USP44: variants seen among roughly 807,000 people sequenced by gnomAD.
The protein encoded by USP44 is ubiquitin carboxyl-terminal hydrolase 44.
Under a neutral mutation model 69.0 loss-of-function variants are expected in USP44, and 61 were observed. The ratio of observed to expected loss-of-function variants is 0.88; its 90% CI spans 0.72 to 1.09. The LOEUF is 1.09. USP44 is among the 50% of genes least tolerant of loss of function. USP44 has a pLI of 0.00. For synonymous variants in USP44, 297 were observed against 295.4 expected (o/e 1.01, Z -0.06); for missense variants, 753 against 849.9 (o/e 0.89, Z 1.42).
Position 95,528,813 on chromosome 12 carries a change from A to T in USP44, c.1618T>A (p.Cys540Ser). Residue 540 changes from cysteine (C) to serine (S), a missense_variant, in exon 3 of 6, where the codon TGT becomes AGT. Cys to Ser is a moderately radical substitution (Grantham distance 112). Coordinates refer to ENST00000258499, the MANE Select transcript of USP44 (RefSeq NM_032147.5). ...LEGKIYVCDQ[C>S]NSKRRRFSSK... ...ACACAACGTCTTTACTCACAGTTACACTGGTCACATACGTAGATTTTTCCT... is the reference window on the plus strand; with the variant it reads ...ACACAACGTCTTTACTCACAGTTACTCTGGTCACATACGTAGATTTTTCCT... The T allele has an allele frequency of 1.9e-6, 3 of 1,613,736 alleles. No individual in the cohort carries two copies. The highest frequency in any genetic ancestry group is 2.5e-6 in the Non-Finnish European group (3 of 1,179,932).
At chr12:95,519,432 ATTTTTTTTTTTTTT>A (rs60940181) in intron 5 of USP44, among the ~76,000 whole-genome samples, 3 of 84,544 alleles carry the variant, frequency 3.5e-5, no homozygotes, top group South Asian at 3.8e-4. Flanking sequence ...CTCAATCTGT[ATTTTTTTTTTTTTT>A]TTTTTTTTTT....
rs188458080 is a variant in USP44, at chr12:95,518,101, C to G, written c.*53G>C. ...ATGAAGTTTAAAATGGTACATCAGT[C>G]TTTTAAAAAGTATATATATAAATCA... is the stretch of plus-strand genomic sequence containing the variant. On this transcript the variant is annotated 3_prime_UTR_variant, in exon 6 of 6. Transcript: ENST00000258499. 170 of 1,576,046 alleles carry G rather than the reference C, an allele frequency of 1.1e-4. No homozygotes were observed. In the East Asian group the frequency reaches 2.8e-3, roughly 26 times the overall value.
chr12:95,539,870 C>T (rs2077332128), intron 1 of USP44, among the ~76,000 whole-genome samples: 1 of 152,134 alleles, frequency 6.6e-6, no homozygotes, highest in Non-Finnish European at 1.5e-5. Context: ...TTTTAATCAA[C>T]CGTTTATATC....
intron 4 of USP44, 47 bp from the exon 5 acceptor site, chr12:95,521,249 A>G (rs768898136): frequency 6.4e-7 from 1 of 1,573,748 alleles, no homozygotes; most frequent in Admixed American, 1.7e-5. Context: ...AAGGGAAAAT[A>G]ACCACGTACT....
chr12:95,534,187 G>A lies in USP44; in HGVS notation c.70C>T (p.Pro24Ser). The change falls in exon 2 of 6, where the codon CCT (proline) becomes TCT (serine). Residue 24 changes from proline to serine, a missense_variant. Coordinates refer to ENST00000258499, the MANE Select transcript of USP44 (RefSeq NM_032147.5). ...CAGTCCACACAGTGCCATTTCTGAG[G>A]GTTGAGGCTGGAATGGTCTTGAGCA... is the stretch of plus-strand genomic sequence containing the variant. ...QLAQDHSSLN[P>S]QKWHCVDCNT... is the part of the protein sequence containing the mutation. The A allele has an allele frequency of 2.5e-6, 4 of 1,614,094 alleles. No individual in the cohort carries two copies. In the South Asian group the frequency reaches 4.4e-5, roughly 18 times the overall value.
chr12:95,523,689 C>CAAA (rs927669685), intron 4 of USP44, among the ~76,000 whole-genome samples: 1,075 of 89,134 alleles, frequency 0.012, 9 homozygotes, highest in Middle Eastern at 0.042. Context: ...CTGTCTCTAC[C>CAAA]AAAAAAAAAA....
rs1281199122 is a variant in USP44 at position 95,544,052 on chromosome 12, T to TC, written c.-71+7219_-71+7220insG. On this transcript the variant is annotated intron_variant, in intron 1 of 5. Coordinates refer to ENST00000258499, the MANE Select transcript of USP44 (RefSeq NM_032147.5). ...TCCACTGTAAATTTTAGTTATCTTT[T>TC]TTTTTTTTTTTTTTTTTTCTGAGAT... 3.0e-3 allele frequency among the ~76,000 whole-genome samples: 262 copies of TC among 86,086 alleles called. 2 individuals carry two copies. Among genetic ancestry groups the TC allele is most frequent in the African/African-American group, 0.012 (241 of 20,106 alleles). 56.5% of individuals were successfully genotyped at this position (86,086 alleles called of 152,430 possible).
chr12:95,531,698 A>C (rs1369091476), intron 2 of USP44, among the ~76,000 whole-genome samples: 4 of 152,236 alleles, frequency 2.6e-5, no homozygotes, highest in Admixed American at 2.0e-4. Flanking sequence ...ATACTTAAAC[A>C]ACATTTTAGG....
rs915462163 is a variant in USP44 at position 95,517,981 on chromosome 12, T to TA, written c.*172dup. On this transcript the variant is annotated 3_prime_UTR_variant, in exon 6 of 6. Transcript: ENST00000258499. ...AAACTCCAAATATGAAAAAAGTAGT[T>TA]ACCTTCAGTTGATATATACATTTAT... is the stretch of plus-strand genomic sequence containing the variant. The TA allele has an allele frequency of 3.5e-6, 2 of 563,906 alleles. No homozygotes were observed. The highest frequency in any genetic ancestry group is 3.8e-5 in the African/African-American group (2 of 53,312). 34.9% of individuals were successfully genotyped at this position (563,906 alleles called of 1,614,324 possible).
chr12:95,539,640 CATTTA>C (rs2077325582), intron 1 of USP44, among the ~76,000 whole-genome samples: 2 of 152,152 alleles, frequency 1.3e-5, no homozygotes, highest in African/African-American at 4.8e-5. Context: ...GACAATAAAA[CATTTA>C]ATTTGTTCAA....
rs143654571 is a variant in USP44, at chr12:95,521,073, C to T, written c.1863G>A (p.Leu621=). 39 of 1,614,194 alleles carry T rather than the reference C, an allele frequency of 2.4e-5. No homozygotes were observed. The African/African-American group carries it at 4.4e-4, about 18-fold the overall frequency. Residue 621 remains leucine, a synonymous_variant, in exon 5 of 6, where the codon TTG becomes TTA. Transcript: ENST00000258499. ...SLRPECFIYD[L]SAVVMHHGKG... ...TCCCATGGTGCATCACCACCGCGGACAAGTCATAGATAAAGCATTCTGGTC... is the reference window on the plus strand; with the variant it reads ...TCCCATGGTGCATCACCACCGCGGATAAGTCATAGATAAAGCATTCTGGTC...
At chr12:95,545,738 G>A (rs560987374) in intron 1 of USP44, among the ~76,000 whole-genome samples, 5 of 152,314 alleles carry the variant, frequency 3.3e-5, no homozygotes, top group African/African-American at 1.2e-4. Context: ...ATTACTGAGC[G>A]AATGAACACA....
chr12:95,545,334 A>G (rs1040656056), intron 1 of USP44, among the ~76,000 whole-genome samples: 1 of 152,204 alleles, frequency 6.6e-6, no homozygotes, highest in African/African-American at 2.4e-5. Context: ...CAGAGGGAGA[A>G]TATGTTGACT....
At chr12:95,544,426 C>T (rs2077506927) in intron 1 of USP44, among the ~76,000 whole-genome samples, 1 of 152,112 alleles carries the variant, frequency 6.6e-6, no homozygotes, top group East Asian at 1.9e-4. Context: ...TATGAAGACA[C>T]TTGGAAAGAA....
intron 1 of USP44, among the ~76,000 whole-genome samples, chr12:95,544,111 G>A (rs2077494696): frequency 1.6e-5 from 2 of 126,020 alleles, no homozygotes; most frequent in South Asian, 5.6e-4. Context: ...TTGGAGTGCA[G>A]TGGCACGATC....
At chr12:95,549,402 G>T (rs2077681921) in intron 1 of USP44, among the ~76,000 whole-genome samples, 1 of 152,104 alleles carries the variant, frequency 6.6e-6, no homozygotes, top group Non-Finnish European at 1.5e-5. Context: ...ACCCGAAATT[G>T]CCCATTTAAA....
intron 2 of USP44, among the ~76,000 whole-genome samples, chr12:95,529,795 A>G (rs1359509049): frequency 6.6e-6 from 1 of 152,158 alleles, no homozygotes; most frequent in African/African-American, 2.4e-5. Context: ...AATCTTAACC[A>G]TATTACAAGT....
intron 2 of USP44, among the ~76,000 whole-genome samples, chr12:95,531,073 A>G (rs1262080633): frequency 6.6e-6 from 1 of 152,152 alleles, no homozygotes; most frequent in African/African-American, 2.4e-5. Context: ...CTGAGGCAGG[A>G]GAATGGCGTG....
intron 1 of USP44, among the ~76,000 whole-genome samples, chr12:95,544,204 G>A (rs1349930937): frequency 1.3e-5 from 2 of 150,470 alleles, no homozygotes; most frequent in African/African-American, 2.4e-5. Context: ...ACAGGCGCCC[G>A]CCACCATGCC....
Sources: allele counts gnomAD v4.1 joint callset (sites outside exome capture counted in the v4.1 genomes callset), GRCh38; gene constraint gnomAD v4.1.1; transcripts MANE v1.5; gene names NCBI Gene and HGNC (gene_info 2026-07-23, HGNC 2026-07-21).